Variants in AGMO observed in about 807,000 individuals in gnomAD.
AGMO encodes the protein glyceryl-ether monooxygenase.
AGMO carries 75 observed loss-of-function variants against 60.2 expected under a neutral mutation model. That is an observed-to-expected ratio of 1.25 (90% CI 1.03 to 1.51). AGMO has a LOEUF of 1.51. Ranked by LOEUF, AGMO falls within the 40% of genes most tolerant of loss-of-function variation. The pLI, the probability that AGMO is intolerant of heterozygous loss-of-function variation, is 0.00. For synonymous variants in AGMO, 261 were observed against 177.1 expected (o/e 1.47, Z -3.76); for missense variants, 763 against 525.5 (o/e 1.45, Z -4.42).
chr7:15,262,713 A>G (rs758063904), intron 12 of AGMO, among the ~76,000 whole-genome samples: 11 of 151,356 alleles, frequency 7.3e-5, no homozygotes, highest in Non-Finnish European at 1.3e-4. Flanking sequence ...ATGTTATACT[A>G]TAAGGCCCAT....
intron 10 of AGMO, among the ~76,000 whole-genome samples, chr7:15,382,208 T>C (rs1003825823): frequency 2.0e-5 from 3 of 152,198 alleles, no homozygotes; most frequent in Admixed American, 2.0e-4. Flanking sequence ...CTCAATACAT[T>C]ATTCAATAAT....
chr7:15,462,033 G>C (rs1272249043), intron 3 of AGMO, among the ~76,000 whole-genome samples: 9 of 149,932 alleles, frequency 6.0e-5, no homozygotes, highest in African/African-American at 2.2e-4. Flanking sequence ...GATATTAAGT[G>C]GGACCCAGAA....
intron 12 of AGMO, among the ~76,000 whole-genome samples, chr7:15,243,264 T>C (rs1319396305): frequency 6.6e-6 from 1 of 152,154 alleles, no homozygotes; most frequent in Non-Finnish European, 1.5e-5. Context: ...TAAATATTTA[T>C]CAATGTTTCT....
chr7:15,323,605 A>G (rs1781249429), intron 12 of AGMO, among the ~76,000 whole-genome samples: 1 of 152,132 alleles, frequency 6.6e-6, no homozygotes, highest in Non-Finnish European at 1.5e-5. Context: ...ATTTCTTATA[A>G]TATTTAGACA....
the AGMO span, among the ~76,000 whole-genome samples, chr7:15,180,007 A>G: frequency 6.6e-6 from 1 of 152,162 alleles, no homozygotes; most frequent in Non-Finnish European, 1.5e-5. Flanking sequence ...GGCATATCCC[A>G]AAACCATTTT....
intron 12 of AGMO, among the ~76,000 whole-genome samples, chr7:15,317,752 TG>T (rs1031775072): frequency 6.6e-6 from 1 of 151,750 alleles, no homozygotes; most frequent in African/African-American, 2.4e-5. Context: ...GAAAACAATT[TG>T]TCACACAATA....
chr7:15,447,250 G>C (rs1055639191), intron 3 of AGMO, among the ~76,000 whole-genome samples: 6 of 152,056 alleles, frequency 3.9e-5, no homozygotes, highest in Admixed American at 1.3e-4. Context: ...TTTTTTCCCA[G>C]ACGTAAGAGT....
At chr7:15,509,664 A>G (rs1783620163) in intron 3 of AGMO, among the ~76,000 whole-genome samples, 1 of 152,182 alleles carries the variant, frequency 6.6e-6, no homozygotes, top group Non-Finnish European at 1.5e-5. Flanking sequence ...CAAATCATCT[A>G]TCTAATAAAA....
At chr7:15,354,861 T>A (rs1782460964) in intron 12 of AGMO, among the ~76,000 whole-genome samples, 1 of 151,352 alleles carries the variant, frequency 6.6e-6, no homozygotes, top group Non-Finnish European at 1.5e-5. Flanking sequence ...ATATATTATA[T>A]CCTATAAAAT....
the AGMO span, among the ~76,000 whole-genome samples, chr7:15,190,237 A>G: frequency 2.9e-5 from 4 of 138,014 alleles, no homozygotes; most frequent in East Asian, 8.2e-4. Context: ...ATATTTATAT[A>G]TATATATATA....
At chr7:15,418,052 AAAAAATT>A (rs1361463879) in intron 5 of AGMO, among the ~76,000 whole-genome samples, 1 of 152,106 alleles carries the variant, frequency 6.6e-6, no homozygotes, top group Non-Finnish European at 1.5e-5. Flanking sequence ...TTTTTTTGGA[AAAAAATT>A]AACAATATAC....
At chr7:15,202,457 G>GAA (rs1563032651) in intron 12 of AGMO, among the ~76,000 whole-genome samples, 2 of 6,582 alleles carry the variant, frequency 3.0e-4, no homozygotes, top group East Asian at 0.016. Flanking sequence ...ATACAAATGA[G>GAA]CAAAAAAAAA....
intron 12 of AGMO, among the ~76,000 whole-genome samples, chr7:15,248,133 T>C (rs566205084): frequency 2.4e-5 from 3 of 126,846 alleles, no homozygotes; most frequent in South Asian, 5.1e-4. Flanking sequence ...GTAAGACGAG[T>C]TTAAACATGT....
chr7:15,319,674 C>G (rs1464457551), intron 12 of AGMO, among the ~76,000 whole-genome samples: 1 of 151,976 alleles, frequency 6.6e-6, no homozygotes, highest in Non-Finnish European at 1.5e-5. Context: ...ATCCATTACA[C>G]AATCAAAGAT....
intron 12 of AGMO, among the ~76,000 whole-genome samples, chr7:15,340,088 A>G (rs1406582073): frequency 1.3e-5 from 2 of 152,206 alleles, no homozygotes; most frequent in South Asian, 2.1e-4. Flanking sequence ...TGGATTTGGA[A>G]TATCTGCATA....
At chr7:15,192,908 A>T in the AGMO span, among the ~76,000 whole-genome samples, 3 of 152,160 alleles carry the variant, frequency 2.0e-5, no homozygotes, top group Non-Finnish European at 2.9e-5. Flanking sequence ...AAAAACCTTC[A>T]CACTAATCAT....
At chr7:15,559,577 T>A (rs34654138) in intron 2 of AGMO, among the ~76,000 whole-genome samples, 12,327 of 150,922 alleles carry the variant, frequency 0.082, 555 homozygotes, top group Non-Finnish European at 0.096. Context: ...GACAGGAGAG[T>A]GGACGATCCA....
At position 15,497,837 on chromosome 7, in the gene AGMO, A is replaced by C. The variant is rs189160993; in HGVS notation, c.409+46935T>G. Among the ~76,000 whole-genome samples, 355 of 152,156 alleles carry C rather than the reference A, an allele frequency of 2.3e-3. 2 individuals carry two copies. Among genetic ancestry groups the C allele is most frequent in the African/African-American group, 7.8e-3 (324 of 41,544 alleles). ...AAGATATTCCTATAGATTGGGTTGG[A>C]TAAGCTGAATTTGAAGATTTTAGAA... On this transcript the variant is annotated intron_variant, in intron 3 of 12. Coordinates refer to ENST00000342526, the MANE Select transcript of AGMO (RefSeq NM_001004320.2).
At chr7:15,152,868 G>A in the AGMO span, among the ~76,000 whole-genome samples, 1 of 152,122 alleles carries the variant, frequency 6.6e-6, no homozygotes, top group African/African-American at 2.4e-5. Flanking sequence ...CTAGTAGTGG[G>A]ATTGCTGGAT....
Sources: allele counts gnomAD v4.1 joint callset (sites outside exome capture counted in the v4.1 genomes callset), GRCh38; gene constraint gnomAD v4.1.1; transcripts MANE v1.5; gene names NCBI Gene and HGNC (gene_info 2026-07-23, HGNC 2026-07-21).